RAB23: variants seen among roughly 807,000 people sequenced by gnomAD.
RAB23 encodes ras-related protein Rab-23.
In RAB23, 15 loss-of-function variants were observed where a neutral mutation model predicts 30.0. That is an observed-to-expected ratio of 0.50 (90% CI 0.33 to 0.77). The LOEUF (loss-of-function observed/expected upper bound fraction) is 0.77. Among genes scored for constraint, RAB23 ranks in the 30% least tolerant of loss-of-function variants. RAB23 has a pLI of 0.02. For synonymous variants in RAB23, 93 were observed against 94.0 expected, an observed-to-expected ratio of 0.99 and a Z score of 0.06; for missense variants, 243 against 275.4, an observed-to-expected ratio of 0.88 and a Z score of 0.83.
chr6:57,190,232 G>C lies in RAB23; in HGVS notation c.*229C>G, dbSNP rs1172085285. ...TAGCATTCCTTTACAAACAGGAGAA[G>C]CTTCGTCTAATGTAAAAAAAATTAA... On this transcript the variant is annotated 3_prime_UTR_variant, in exon 7 of 7. Coordinates refer to ENST00000468148, the MANE Select transcript of RAB23 (RefSeq NM_016277.5). 1.2e-5 allele frequency: 6 copies of C among 495,002 alleles called. No individual in the cohort carries two copies. The highest frequency in any genetic ancestry group is 1.8e-5 in the Non-Finnish European group (5 of 276,232). 30.7% of individuals were successfully genotyped at this position (495,002 alleles called of 1,614,324 possible).
chr6:57,206,825 C>G (rs1274313299), intron 3 of RAB23, among the ~76,000 whole-genome samples: 1 of 152,188 alleles, frequency 6.6e-6, no homozygotes, highest in African/African-American at 2.4e-5. Flanking sequence ...AGAGGGACAT[C>G]ATAGAAGGGA....
intron 2 of RAB23, 52 bp from the exon 3 acceptor site, chr6:57,207,765 A>C: frequency 8.2e-7 from 1 of 1,219,514 alleles, no homozygotes; most frequent in Non-Finnish European, 1.2e-6. Flanking sequence ...GTTTTTGGTA[A>C]TATAGCTTTG....
At chr6:57,208,468 G>A (rs183989835) in intron 2 of RAB23, among the ~76,000 whole-genome samples, 46 of 152,010 alleles carry the variant, frequency 3.0e-4, no homozygotes, top group African/African-American at 8.7e-4. Flanking sequence ...CCAACATGGC[G>A]AAACCCTGTC....
At chr6:57,195,115 C>T (rs1156660790) in intron 4 of RAB23, among the ~76,000 whole-genome samples, 1 of 152,150 alleles carries the variant, frequency 6.6e-6, no homozygotes, top group Non-Finnish European at 1.5e-5. Context: ...TAAACACCAA[C>T]TGTTATACCG....
intron 6 of RAB23, among the ~76,000 whole-genome samples, chr6:57,192,255 T>G (rs1379924499): frequency 1.3e-5 from 2 of 152,198 alleles, no homozygotes; most frequent in Non-Finnish European, 2.9e-5. Context: ...GATAAAGAAC[T>G]TTATAGTTTC....
chr6:57,201,034 C>A (rs950086687), intron 3 of RAB23, among the ~76,000 whole-genome samples: 1 of 151,944 alleles, frequency 6.6e-6, no homozygotes, highest in African/African-American at 2.4e-5. Flanking sequence ...TCTCCCCTAG[C>A]CCCTTCTCCT....
At chr6:57,194,430 T>C (rs1421278498) in intron 5 of RAB23, among the ~76,000 whole-genome samples, 1 of 152,080 alleles carries the variant, frequency 6.6e-6, no homozygotes, top group Non-Finnish European at 1.5e-5. Flanking sequence ...ATAAACTAAC[T>C]ACCTAGTGGA....
At chr6:57,218,088 A>T (rs2128008276) in intron 1 of RAB23, among the ~76,000 whole-genome samples, 1 of 152,314 alleles carries the variant, frequency 6.6e-6, no homozygotes, top group South Asian at 2.1e-4. Context: ...GTAATGTAAA[A>T]ACTCAGAAAG....
chr6:57,199,070 T>C (rs1765136162), intron 3 of RAB23, among the ~76,000 whole-genome samples: 1 of 151,950 alleles, frequency 6.6e-6, no homozygotes, highest in Non-Finnish European at 1.5e-5. Context: ...ATCAGGGAGG[T>C]AAATAAACAA....
intron 1 of RAB23, among the ~76,000 whole-genome samples, chr6:57,218,962 C>T (rs753024522): frequency 6.6e-6 from 1 of 152,050 alleles, no homozygotes; most frequent in Non-Finnish European, 1.5e-5. Flanking sequence ...ATTCTCACTA[C>T]TCCTATTCAT....
intron 3 of RAB23, among the ~76,000 whole-genome samples, chr6:57,197,136 C>A (rs945384441): frequency 2.0e-5 from 3 of 152,032 alleles, no homozygotes; most frequent in African/African-American, 7.2e-5. Context: ...TCATTCTATT[C>A]ACTTTTTAAA....
In RAB23 at chr6:57,221,289, T is replaced by G. The variant is rs1766049505; in HGVS notation, c.-66+437A>C. ...AGCCCTTTTCAGACCCTACTGCCACTTCACTAGCTCCTGATAATGAAGTTC... is the reference window on the plus strand; with the variant it reads ...AGCCCTTTTCAGACCCTACTGCCACGTCACTAGCTCCTGATAATGAAGTTC... On this transcript the variant is annotated intron_variant, in intron 1 of 6. Coordinates refer to ENST00000468148, the MANE Select transcript of RAB23 (RefSeq NM_016277.5). 3 of 152,328 alleles carry G rather than the reference T, an allele frequency of 2.0e-5. No individual in the cohort carries two copies. The South Asian group carries it at 6.2e-4, about 32-fold the overall frequency. The allele number at this position is 152,328 out of a possible 1,614,324, so 9.4% of individuals were successfully genotyped here. A position where few individuals can be genotyped will look rare whatever the true frequency, so the allele number is the denominator to read the frequency against.
At chr6:57,215,642 C>T (rs1765809194) in intron 1 of RAB23, among the ~76,000 whole-genome samples, 1 of 152,010 alleles carries the variant, frequency 6.6e-6, no homozygotes, top group Admixed American at 6.5e-5. Context: ...AAAAGAACAG[C>T]TAATGGAAGT....
At chr6:57,210,640 A>G (rs1391355433) in intron 1 of RAB23, among the ~76,000 whole-genome samples, 195 bp from the exon 2 acceptor site, 2 of 152,218 alleles carry the variant, frequency 1.3e-5, no homozygotes, top group Non-Finnish European at 2.9e-5. Context: ...ATCCTCATCA[A>G]TAGCGCAATG....
intron 3 of RAB23, among the ~76,000 whole-genome samples, chr6:57,201,712 A>G (rs540261349): frequency 1.3e-5 from 2 of 152,306 alleles, no homozygotes; most frequent in African/African-American, 4.8e-5. Flanking sequence ...TAGAGACCCA[A>G]TCAAGGACCA....
In RAB23 at chr6:57,188,613, A is replaced by AGAT. The variant is rs1201671651; in HGVS notation, c.*1845_*1847dup. On this transcript the variant is annotated 3_prime_UTR_variant, in exon 7 of 7. Transcript: ENST00000468148. Reference sequence around the variant, plus strand: ...AGTAGAAAATTGAAGAGAGTAGAAAAGATGACTCATTAGCAGTATCCACTG... The same window carrying AGAT: ...AGTAGAAAATTGAAGAGAGTAGAAAAGATGATGACTCATTAGCAGTATCCACTG... The AGAT allele has an allele frequency of 1.3e-5, 2 of 152,134 alleles. No individual in the cohort carries two copies. Among genetic ancestry groups the AGAT allele is most frequent in the African/African-American group, 2.4e-5 (1 of 41,422 alleles). The allele number at this position is 152,134 out of a possible 1,614,324, so 9.4% of individuals were successfully genotyped here. A position where few individuals can be genotyped will look rare whatever the true frequency, so the allele number is the denominator to read the frequency against.
chr6:57,188,225 T>C lies in RAB23; in HGVS notation c.*2236A>G, dbSNP rs1764686403. On this transcript the variant is annotated 3_prime_UTR_variant, in exon 7 of 7. Coordinates refer to ENST00000468148, the MANE Select transcript of RAB23 (RefSeq NM_016277.5). ...AATTTTTGAAGGCTTTAAGAATTGATTAAATTGAGAAATTAACATGGCTGA... is the reference window on the plus strand; with the variant it reads ...AATTTTTGAAGGCTTTAAGAATTGACTAAATTGAGAAATTAACATGGCTGA... 1 of 152,186 alleles carries C rather than the reference T, an allele frequency of 6.6e-6. No individual in the cohort carries two copies. The highest frequency in any genetic ancestry group is 6.5e-5 in the Admixed American group (1 of 15,292). 9.4% of individuals were successfully genotyped at this position (152,186 alleles called of 1,614,324 possible).
At chr6:57,212,736 A>AAT (rs1290409593) in intron 1 of RAB23, among the ~76,000 whole-genome samples, 3 of 151,672 alleles carry the variant, frequency 2.0e-5, no homozygotes, top group African/African-American at 7.3e-5. Flanking sequence ...AAAAAAAAAA[A>AAT]ATTGGCCAGG....
At chr6:57,194,211 TA>T (rs1764939588) in intron 5 of RAB23, among the ~76,000 whole-genome samples, 1 of 152,092 alleles carries the variant, frequency 6.6e-6, no homozygotes, top group Non-Finnish European at 1.5e-5. Flanking sequence ...TGATTAATAC[TA>T]AGCAACACTA....
Sources: gnomAD v4.1 joint callset for allele counts (sites outside exome capture counted in the v4.1 genomes callset) on GRCh38, gnomAD v4.1.1 for gene constraint, MANE v1.5 for transcripts, NCBI Gene and HGNC (gene_info 2026-07-23, HGNC 2026-07-21) for gene names.